Variants in CCDC7 observed in about 807,000 individuals in gnomAD.
CCDC7 encodes the protein coiled-coil domain-containing protein 7.
CCDC7 carries 183 observed loss-of-function variants against 196.9 expected under a neutral mutation model. That is an observed-to-expected ratio of 0.93 (90% CI 0.82 to 1.05). The LOEUF (loss-of-function observed/expected upper bound fraction) is 1.05. Ranked by LOEUF, CCDC7 falls within the 50% of genes least tolerant of loss-of-function variation. The pLI, the probability that CCDC7 is intolerant of heterozygous loss-of-function variation, is 0.00. For synonymous variants in CCDC7, 525 were observed against 484.6 expected (o/e 1.08, Z -1.10); for missense variants, 1,540 against 1,482.2 (o/e 1.04, Z -0.64).
intron 18 of CCDC7, among the ~76,000 whole-genome samples, chr10:32,605,417 A>C (rs563122443): frequency 3.9e-5 from 6 of 152,202 alleles, no homozygotes; most frequent in South Asian, 4.1e-4. Context: ...CGTAACAGGC[A>C]GAGGTTGGAA....
At chr10:32,707,695 A>T (rs1424402464) in intron 24 of CCDC7, among the ~76,000 whole-genome samples, 2 of 152,216 alleles carry the variant, frequency 1.3e-5, no homozygotes, top group African/African-American at 2.4e-5. Flanking sequence ...ACAGAGAGCC[A>T]AATCATGAGT....
At chr10:32,769,702 A>G (rs1427934683) in intron 28 of CCDC7, among the ~76,000 whole-genome samples, 1 of 150,694 alleles carries the variant, frequency 6.6e-6, no homozygotes, top group African/African-American at 2.4e-5. Context: ...TCATTGTTCA[A>G]CTCCCACTTA....
rs1394996414 is a variant in CCDC7, at chr10:32,567,542, C to G, written c.1198-128C>G. 24 of 1,079,822 alleles carry G rather than the reference C, an allele frequency of 2.2e-5. No individual in the cohort carries two copies. In the East Asian group the frequency reaches 6.1e-4, roughly 27 times the overall value. The allele number at this position is 1,079,822 out of a possible 1,614,324, so 66.9% of individuals were successfully genotyped here. The stretch of plus-strand genomic sequence containing the variant: ...ATTATAGCAATAGCTTACCTTTGCT[C>G]CCTTCAACTCAGTAAAAATGAGTTG... On this transcript the variant is annotated intron_variant, in intron 14 of 41. Coordinates refer to ENST00000639629, the Ensembl canonical transcript of CCDC7.
At chr10:32,613,602 G>C (rs1002912889) in intron 18 of CCDC7, among the ~76,000 whole-genome samples, 6 of 152,046 alleles carry the variant, frequency 3.9e-5, no homozygotes, top group African/African-American at 1.4e-4. Flanking sequence ...CAGAGATTCT[G>C]GTATGCTGTG....
chr10:32,589,946 C>T lies in CCDC7; in HGVS notation c.1801+5642C>T, dbSNP rs147045107. Among the ~76,000 whole-genome samples, 19 of 151,978 alleles carry T rather than the reference C, an allele frequency of 1.3e-4. No individual in the cohort carries two copies. The East Asian group carries it at 3.7e-3, about 29-fold the overall frequency. ...CCTATGCTTTCAGTCTATGCATATCCTTATAGGTGAAGTGTGTTTATTATA... is the reference window on the plus strand; with the variant it reads ...CCTATGCTTTCAGTCTATGCATATCTTTATAGGTGAAGTGTGTTTATTATA... On this transcript the variant is annotated intron_variant, in intron 18 of 41. Transcript: ENST00000639629.
intron 25 of CCDC7, among the ~76,000 whole-genome samples, chr10:32,716,135 G>T (rs920825567): frequency 2.0e-5 from 3 of 152,182 alleles, no homozygotes; most frequent in African/African-American, 7.2e-5. Flanking sequence ...AGGAAAAAAT[G>T]TTAAGGGCAG....
At chr10:32,657,055 G>T (rs897728790) in intron 20 of CCDC7, among the ~76,000 whole-genome samples, 1 of 152,230 alleles carries the variant, frequency 6.6e-6, no homozygotes, top group Non-Finnish European at 1.5e-5. Context: ...CACATCCAGG[G>T]CACACTGGTG....
chr10:32,504,824 C>T (rs1370968746), intron 9 of CCDC7, among the ~76,000 whole-genome samples: 4 of 152,166 alleles, frequency 2.6e-5, no homozygotes, highest in Non-Finnish European at 4.4e-5. Context: ...TGGTCTAACA[C>T]ATAACGTATC....
chr10:32,780,193 C>A (rs773770593), intron 29 of CCDC7, among the ~76,000 whole-genome samples: 1 of 152,102 alleles, frequency 6.6e-6, no homozygotes, highest in Non-Finnish European at 1.5e-5. Flanking sequence ...GCCGAGATCA[C>A]GCCACTGCAC....
At chr10:32,472,109 A>G (rs1270191134) in intron 6 of CCDC7, among the ~76,000 whole-genome samples, 3 of 152,214 alleles carry the variant, frequency 2.0e-5, no homozygotes, top group African/African-American at 7.2e-5. Flanking sequence ...ACAGGTTTTG[A>G]CCCAAAGGTC....
chr10:32,849,252 C>T (rs2093438439), intron 39 of CCDC7, among the ~76,000 whole-genome samples: 1 of 151,786 alleles, frequency 6.6e-6, no homozygotes, highest in Non-Finnish European at 1.5e-5. Flanking sequence ...AAACAGTAAC[C>T]ACTTAGGTAA....
intron 4 of CCDC7, 116 bp downstream of exon 5, chr10:32,462,819 T>C (rs1381995949): frequency 7.9e-7 from 1 of 1,265,324 alleles, no homozygotes; most frequent in African/African-American, 1.5e-5. Flanking sequence ...CTTGCTGCTC[T>C]ATATATTTAA....
intron 20 of CCDC7, among the ~76,000 whole-genome samples, chr10:32,642,863 G>A (rs2067093149): frequency 6.6e-6 from 1 of 152,120 alleles, no homozygotes; most frequent in African/African-American, 2.4e-5. Context: ...TGATGAATTA[G>A]ATGAAAATAT....
intron 8 of CCDC7, among the ~76,000 whole-genome samples, chr10:32,482,948 G>A (rs866820870): frequency 1.5e-4 from 23 of 152,128 alleles, no homozygotes; most frequent in East Asian, 5.8e-4. Context: ...GAATAGTGCC[G>A]CAATAAACAT....
intron 29 of CCDC7, among the ~76,000 whole-genome samples, chr10:32,804,242 A>T (rs1184685640): frequency 1.3e-5 from 2 of 152,082 alleles, no homozygotes; most frequent in Admixed American, 6.5e-5. Context: ...ATTCCTCCTT[A>T]ATAAATTTCA....
At chr10:32,866,627 G>A (rs954413474) in intron 41 of CCDC7, among the ~76,000 whole-genome samples, 1 of 151,466 alleles carries the variant, frequency 6.6e-6, no homozygotes, top group Admixed American at 6.6e-5. Flanking sequence ...AAAGGAGGTG[G>A]TGGTGAGGAA....
chr10:32,509,384 A>G (rs2045737122), intron 9 of CCDC7, among the ~76,000 whole-genome samples: 1 of 152,158 alleles, frequency 6.6e-6, no homozygotes, highest in Non-Finnish European at 1.5e-5. Flanking sequence ...CCTTCATGCC[A>G]TGCATAAAAA....
chr10:32,723,992 T>C (rs929763495), intron 25 of CCDC7, among the ~76,000 whole-genome samples: 3 of 152,018 alleles, frequency 2.0e-5, no homozygotes, highest in Admixed American at 1.3e-4. Flanking sequence ...TAGGGATTGC[T>C]TCCCCAGCTT....
At chr10:32,695,936 A>G (rs1381748275) in intron 24 of CCDC7, among the ~76,000 whole-genome samples, 1 of 152,184 alleles carries the variant, frequency 6.6e-6, no homozygotes, top group Non-Finnish European at 1.5e-5. Flanking sequence ...CAGGCACACA[A>G]TGCCTTAAGC....
Sources: gnomAD v4.1 joint callset for allele counts (sites outside exome capture counted in the v4.1 genomes callset) on GRCh38, gnomAD v4.1.1 for gene constraint, MANE v1.5 for transcripts, NCBI Gene and HGNC (gene_info 2026-07-23, HGNC 2026-07-21) for gene names.